FBLN2: variants seen among roughly 807,000 people sequenced by gnomAD.
The protein encoded by FBLN2 is fibulin 2.
Under a neutral mutation model 123.7 loss-of-function variants are expected in FBLN2, and 81 were observed. The ratio of observed to expected loss-of-function variants is 0.65; its 90% CI spans 0.55 to 0.79. The LOEUF is 0.79. FBLN2 is among the 30% of genes least tolerant of loss of function. FBLN2 has a pLI of 0.00. For missense variants in FBLN2, 1,603 were observed against 1,681.3 expected (o/e 0.95, Z 0.81); for synonymous variants, 699 against 701.4 (o/e 1.00, Z 0.05).
chr3:13,584,458 G>C (rs1704433843), intron 2 of FBLN2, among the ~76,000 whole-genome samples: 1 of 152,218 alleles, frequency 6.6e-6, no homozygotes, highest in African/African-American at 2.4e-5. Context: ...TCAGTGTCAT[G>C]GTGAGGCTAC....
intron 10 of FBLN2, among the ~76,000 whole-genome samples, chr3:13,626,891 T>C (rs1300054461): frequency 1.3e-5 from 2 of 152,132 alleles, no homozygotes; most frequent in African/African-American, 4.8e-5. Context: ...GGTTTGTACA[T>C]TGAGGTGGAG....
rs1175306890 is a variant in FBLN2, at chr3:13,618,216, G to C, written c.1870G>C (p.Val624Leu). 6.2e-7 allele frequency: 1 copy of C among 1,613,930 alleles called. No individual in the cohort carries two copies. The highest frequency in any genetic ancestry group is 8.5e-7 in the Non-Finnish European group (1 of 1,179,906). ...GTGCCAGCACCTTTGCATCAATACTGTGGGTTCTTACCACTGTGCCTGCTT... is the reference window on the plus strand; with the variant it reads ...GTGCCAGCACCTTTGCATCAATACTCTGGGTTCTTACCACTGTGCCTGCTT... ...ELCQHLCINT[V>L]GSYHCACFPG... Residue 624 changes from valine to leucine, a missense_variant, in exon 6 of 18, where the codon GTG becomes CTG. Physicochemically the swap from Val to Leu is conservative, Grantham distance 32 (BLOSUM62 1). Transcript: ENST00000404922.
intron 2 of FBLN2, among the ~76,000 whole-genome samples, chr3:13,601,471 T>C (rs1705030596): frequency 6.6e-6 from 1 of 152,180 alleles, no homozygotes; most frequent in South Asian, 2.1e-4. Flanking sequence ...GTCAGGACTC[T>C]GGCATCCTGG....
chr3:13,560,845 G>T (rs1165307316), intron 1 of FBLN2, among the ~76,000 whole-genome samples: 1 of 151,824 alleles, frequency 6.6e-6, no homozygotes, highest in African/African-American at 2.4e-5. Flanking sequence ...ACGGGGTTTT[G>T]CTCTGTCACC....
intron 2 of FBLN2, among the ~76,000 whole-genome samples, chr3:13,576,343 C>T (rs189983537): frequency 2.6e-5 from 4 of 152,324 alleles, no homozygotes; most frequent in South Asian, 2.1e-4. Context: ...TTCCTCACAG[C>T]CCCCAGTCTG....
chr3:13,550,457 C>A (rs1337473036), intron 1 of FBLN2, among the ~76,000 whole-genome samples: 1 of 152,258 alleles, frequency 6.6e-6, no homozygotes, highest in Non-Finnish European at 1.5e-5. Context: ...CAGCAGGCGT[C>A]CCCTGACAGG....
At chr3:13,603,256 A>G (rs1210893242) in intron 2 of FBLN2, among the ~76,000 whole-genome samples, 2 of 144,878 alleles carry the variant, frequency 1.4e-5, no homozygotes, top group South Asian at 2.2e-4. Context: ...TTTTAATTAT[A>G]CTTTAAGTTC....
intron 16 of FBLN2, among the ~76,000 whole-genome samples, chr3:13,635,361 G>T (rs1013012988): frequency 6.7e-5 from 10 of 148,362 alleles, no homozygotes; most frequent in African/African-American, 2.5e-4. Context: ...TTGTCCTCCA[G>T]GGTGCCTGTG....
chr3:13,606,042 C>T (rs561950336), intron 2 of FBLN2, among the ~76,000 whole-genome samples: 7 of 152,030 alleles, frequency 4.6e-5, no homozygotes, highest in Non-Finnish European at 8.8e-5. Context: ...TCAAGCCATC[C>T]TCCCACCCCA....
chr3:13,600,845 A>AC (rs1487403370), intron 2 of FBLN2, among the ~76,000 whole-genome samples: 2 of 152,130 alleles, frequency 1.3e-5, no homozygotes, highest in African/African-American at 4.8e-5. Context: ...CAAACTCCTG[A>AC]CCTCAGGTGA....
chr3:13,614,663 C>CATCCATCT (rs1391031074), intron 5 of FBLN2, among the ~76,000 whole-genome samples: 1 of 151,118 alleles, frequency 6.6e-6, no homozygotes, highest in African/African-American at 2.4e-5. Context: ...TCCATCCATC[C>CATCCATCT]ATCCATCCAC....
At chr3:13,624,841 C>T (rs530182842) in intron 9 of FBLN2, among the ~76,000 whole-genome samples, 8 of 152,394 alleles carry the variant, frequency 5.2e-5, no homozygotes, top group East Asian at 1.9e-4. Context: ...TGCACCTGAC[C>T]GCCGCCACAA....
chr3:13,557,999 G>A (rs920400802), intron 1 of FBLN2, among the ~76,000 whole-genome samples: 9 of 152,192 alleles, frequency 5.9e-5, no homozygotes, highest in Non-Finnish European at 1.0e-4. Context: ...TTATACCACA[G>A]ACTGGGCCAG....
chr3:13,567,427 G>A (rs1341428739), intron 1 of FBLN2, among the ~76,000 whole-genome samples: 4 of 152,160 alleles, frequency 2.6e-5, no homozygotes, highest in Admixed American at 6.5e-5. Context: ...GCACGATCTC[G>A]GCTCACTCCA....
chr3:13,570,165 G>A (rs949143868), intron 1 of FBLN2, 150 bp from the exon 2 acceptor site: 25 of 769,166 alleles, frequency 3.3e-5, no homozygotes, highest in Non-Finnish European at 4.5e-5. Context: ...GCCTGTGTGT[G>A]TGTGTGAGGC....
At chr3:13,573,080 T>A (rs1028524583) in intron 2 of FBLN2, among the ~76,000 whole-genome samples, 1 of 152,070 alleles carries the variant, frequency 6.6e-6, no homozygotes, top group Admixed American at 6.5e-5. Flanking sequence ...CCCACAGACA[T>A]TGGAAAGGCC....
intron 2 of FBLN2, among the ~76,000 whole-genome samples, chr3:13,582,333 G>A (rs1267457830): frequency 6.6e-6 from 1 of 152,220 alleles, no homozygotes; most frequent in Non-Finnish European, 1.5e-5. Context: ...GCCTCAGTGA[G>A]CTGGAGTTCA....
intron 2 of FBLN2, among the ~76,000 whole-genome samples, chr3:13,592,950 C>T (rs1704723115): frequency 6.6e-6 from 1 of 152,206 alleles, no homozygotes; most frequent in South Asian, 2.1e-4. Context: ...GGGATGGCCT[C>T]TGCTGGGATG....
chr3:13,564,616 A>T (rs1703691026), intron 1 of FBLN2, among the ~76,000 whole-genome samples: 1 of 152,206 alleles, frequency 6.6e-6, no homozygotes, highest in Non-Finnish European at 1.5e-5. Flanking sequence ...GCTGGATCTC[A>T]TCAGAGCCAG....
Sources: gnomAD v4.1 joint callset for allele counts (sites outside exome capture counted in the v4.1 genomes callset) on GRCh38, gnomAD v4.1.1 for gene constraint, MANE v1.5 for transcripts, NCBI Gene and HGNC (gene_info 2026-07-23, HGNC 2026-07-21) for gene names.